ARHGAP44: variants seen among roughly 807,000 people sequenced by gnomAD.
ARHGAP44 encodes rho GTPase-activating protein 44.
ARHGAP44 carries 43 observed loss-of-function variants against 106.8 expected under a neutral mutation model. The observed-to-expected ratio is 0.40, with a 90% CI of 0.32 to 0.52. The LOEUF is 0.52. ARHGAP44 is among the 20% of genes least tolerant of loss of function. The pLI is 0.48. For missense variants in ARHGAP44, 866 were observed against 1,050.5 expected, an observed-to-expected ratio of 0.82 and a Z score of 2.43; for synonymous variants, 439 against 410.3, an observed-to-expected ratio of 1.07 and a Z score of -0.85.
At chr17:12,811,855 G>A (rs1329477161) in intron 1 of ARHGAP44, among the ~76,000 whole-genome samples, 2 of 152,068 alleles carry the variant, frequency 1.3e-5, no homozygotes, top group South Asian at 2.1e-4. Context: ...GTATCTCTGC[G>A]TCCCTTCTCC....
intron 1 of ARHGAP44, among the ~76,000 whole-genome samples, chr17:12,795,765 G>A (rs2033898983): frequency 6.6e-6 from 1 of 152,006 alleles, no homozygotes; most frequent in Non-Finnish European, 1.5e-5. Flanking sequence ...AGGAGGTTGG[G>A]GGGAGAGTCA....
At chr17:12,922,315 G>A (rs75666053) in intron 6 of ARHGAP44, among the ~76,000 whole-genome samples, 4 of 152,302 alleles carry the variant, frequency 2.6e-5, no homozygotes, top group East Asian at 3.9e-4. Context: ...CCTCTTTAGC[G>A]TGCTTGGAGG....
intron 1 of ARHGAP44, among the ~76,000 whole-genome samples, chr17:12,878,846 A>G (rs2036633871): frequency 6.6e-6 from 1 of 152,234 alleles, no homozygotes; most frequent in Non-Finnish European, 1.5e-5. Context: ...TCATTAAATG[A>G]GTTTATGACC....
At chr17:12,903,594 A>T (rs75519060) in intron 3 of ARHGAP44, among the ~76,000 whole-genome samples, 7,243 of 152,192 alleles carry the variant, frequency 0.048, 238 homozygotes, top group Admixed American at 0.081. Flanking sequence ...CTTTTAAAAA[A>T]TTTTTAATTA....
intron 1 of ARHGAP44, among the ~76,000 whole-genome samples, chr17:12,888,698 A>G (rs1311164592): frequency 1.3e-5 from 2 of 152,154 alleles, no homozygotes. Context: ...GAAGTTTCCA[A>G]CTATAGTTGT....
chr17:12,802,957 A>G (rs1479482843), intron 1 of ARHGAP44, among the ~76,000 whole-genome samples: 1 of 25,128 alleles, frequency 4.0e-5, no homozygotes, highest in Admixed American at 5.0e-4. Flanking sequence ...ATATATATAT[A>G]TATATATATA....
chr17:12,802,960 TA>T lies in ARHGAP44; in HGVS notation c.53+13070del, dbSNP rs1567621387. On this transcript the variant is annotated intron_variant, in intron 1 of 20. Transcript: ENST00000379672. ...ATATATATATATATATATATATATA[TA>T]TATATATATTTTTTTTTTTTTTTTT... Among the ~76,000 whole-genome samples the T allele has an allele frequency of 4.6e-3, 118 of 25,612 alleles. 1 individual carries two copies. Among genetic ancestry groups the T allele is most frequent in the African/African-American group, 0.015 (42 of 2,854 alleles). The allele number at this position is 25,612 out of a possible 152,430, so 16.8% of individuals were successfully genotyped here.
At chr17:12,847,510 C>CTTTTTTTTTTTTT (rs201835763) in intron 1 of ARHGAP44, among the ~76,000 whole-genome samples, 2 of 133,602 alleles carry the variant, frequency 1.5e-5, no homozygotes, top group Non-Finnish European at 1.5e-5. Context: ...GCTACCATCA[C>CTTTTTTTTTTTTT]TCTTTTTTTT....
In ARHGAP44 at chr17:12,967,824, C is replaced by T. The variant is rs556520954; in HGVS notation, c.1524-5478C>T. ...CATGCCATTTCATCTCCAGCATCAA[C>T]GAGCCATTTATAGTTCTTCTCTTTC... On this transcript the variant is annotated intron_variant, in intron 16 of 20. Coordinates refer to ENST00000379672, the MANE Select transcript of ARHGAP44 (RefSeq NM_014859.6). Among the ~76,000 whole-genome samples, 12 of 152,260 alleles carry T rather than the reference C, an allele frequency of 7.9e-5. No individual in the cohort carries two copies. The South Asian group carries it at 1.0e-3, about 13-fold the overall frequency.
rs75272200 is a variant in ARHGAP44 at position 12,912,881 on chromosome 17, C to T, written c.276-3019C>T. On this transcript the variant is annotated intron_variant, in intron 4 of 20. Coordinates refer to ENST00000379672, the MANE Select transcript of ARHGAP44 (RefSeq NM_014859.6). The stretch of plus-strand genomic sequence containing the variant: ...TACGTGGCCTCAGAAATTGACTTCC[C>T]ACCTATTCTTTCTCAGCAAGCTAAA... Among the ~76,000 whole-genome samples the T allele has an allele frequency of 3.0e-3, 464 of 152,270 alleles. 19 individuals are homozygous for T. The East Asian group carries it at 0.083, about 27-fold the overall frequency.
intron 7 of ARHGAP44, among the ~76,000 whole-genome samples, chr17:12,932,717 T>G (rs543547909): frequency 6.6e-6 from 1 of 151,972 alleles, no homozygotes; most frequent in Non-Finnish European, 1.5e-5. Context: ...TTTCTTTTTT[T>G]TTTTTCCAGA....
At chr17:12,989,100 CCAAA>C (rs2040035678) in intron 20 of ARHGAP44, among the ~76,000 whole-genome samples, 16 of 32,026 alleles carry the variant, frequency 5.0e-4, no homozygotes, top group African/African-American at 6.7e-4. Flanking sequence ...TCCACCCCCC[CCAAA>C]AAAAAAAAAA....
intron 7 of ARHGAP44, among the ~76,000 whole-genome samples, chr17:12,939,527 G>T (rs908872002): frequency 1.3e-5 from 2 of 151,888 alleles, no homozygotes; most frequent in African/African-American, 2.4e-5. Context: ...GTGGAGTGTT[G>T]TGATCTCAGC....
At chr17:12,793,752 G>A (rs1192501530) in intron 1 of ARHGAP44, among the ~76,000 whole-genome samples, 1 of 151,068 alleles carries the variant, frequency 6.6e-6, no homozygotes, top group African/African-American at 2.4e-5. Context: ...AGCATGCTAT[G>A]GTAATAATGG....
intron 20 of ARHGAP44, chr17:12,987,113 A>G: frequency 6.5e-7 from 1 of 1,530,784 alleles, no homozygotes; most frequent in Non-Finnish European, 8.7e-7. Flanking sequence ...GTGTGACATG[A>G]GTGGCGCAGT....
At chr17:12,940,970 C>G (rs531974890) in intron 7 of ARHGAP44, 86 bp from the exon 8 acceptor site, 1 of 1,186,516 alleles carries the variant, frequency 8.4e-7, no homozygotes, top group Non-Finnish European at 1.2e-6. Flanking sequence ...GTTTAAGGCT[C>G]TTTCTCACGT....
At chr17:12,989,338 C>T (rs1268940869) in intron 20 of ARHGAP44, among the ~76,000 whole-genome samples, 1 of 152,120 alleles carries the variant, frequency 6.6e-6, no homozygotes, top group Non-Finnish European at 1.5e-5. Flanking sequence ...AGTCTAAGGA[C>T]TTCTGTCGTC....
intron 6 of ARHGAP44, among the ~76,000 whole-genome samples, chr17:12,921,233 AT>A (rs754724228): frequency 2.0e-4 from 30 of 152,030 alleles, no homozygotes; most frequent in Non-Finnish European, 4.3e-4. Flanking sequence ...CGCTCAGCTA[AT>A]TTTTGTATTT....
intron 3 of ARHGAP44, among the ~76,000 whole-genome samples, chr17:12,903,301 T>C (rs956399599): frequency 3.3e-5 from 5 of 152,092 alleles, no homozygotes; most frequent in Admixed American, 6.6e-5. Context: ...AAATGTCAGA[T>C]TGACTATATC....
Sources: gnomAD v4.1 joint callset for allele counts (sites outside exome capture counted in the v4.1 genomes callset) on GRCh38, gnomAD v4.1.1 for gene constraint, MANE v1.5 for transcripts, NCBI Gene and HGNC (gene_info 2026-07-23, HGNC 2026-07-21) for gene names.